Variants in WFIKKN2 observed in about 807,000 individuals in gnomAD.
WFIKKN2 encodes the protein WAP, follistatin/kazal, immunoglobulin, kunitz and netrin domain containing 2, also known as WAP, Kazal, immunoglobulin, Kunitz and NTR domain-containing protein 2.
A neutral mutation model predicts 39.2 loss-of-function variants in WFIKKN2; 25 were observed. The observed-to-expected ratio is 0.64, with a 90% confidence interval of 0.47 to 0.89. WFIKKN2 has a LOEUF of 0.89. WFIKKN2 is among the 40% of genes least tolerant of loss of function. The pLI, the probability that WFIKKN2 is intolerant of heterozygous loss-of-function variation, is 0.00. For missense variants in WFIKKN2, 770 were observed against 811.7 expected, an observed-to-expected ratio of 0.95 and a Z score of 0.62; for synonymous variants, 345 against 329.7, an observed-to-expected ratio of 1.05 and a Z score of -0.50.
At position 50,835,969 on chromosome 17, in the gene WFIKKN2, C is replaced by A; in HGVS notation, c.32C>A (p.Ser11Tyr). MWAPRCRRFW[S>Y]RWEQVAALLL... ...GCCCCAAGGTGTCGCCGGTTCTGGTCTCGCTGGGAGCAGGTGGCAGCGCTG... is the reference window on the plus strand; with the variant it reads ...GCCCCAAGGTGTCGCCGGTTCTGGTATCGCTGGGAGCAGGTGGCAGCGCTG... The change falls in exon 1 of 2, where the codon TCT (serine) becomes TAT (tyrosine). Residue 11 changes from serine to tyrosine, a missense_variant. Transcript: ENST00000311378. The A allele has an allele frequency of 6.2e-7, 1 of 1,610,290 alleles. No homozygotes were observed. The highest frequency in any genetic ancestry group is 1.1e-5 in the South Asian group (1 of 90,396).
rs1971944122 is a variant in WFIKKN2, at chr17:50,835,658, T to A, written c.-280T>A. 2 of 459,986 alleles carry A rather than the reference T, an allele frequency of 4.3e-6. No homozygotes were observed. The highest frequency in any genetic ancestry group is 7.7e-6 in the Non-Finnish European group (2 of 261,196). The allele number at this position is 459,986 out of a possible 1,614,324, so 28.5% of individuals were successfully genotyped here. Reference sequence around the variant, plus strand: ...CCACTCGGGTGGCGCGCCCAGGATATAAATCCGGGCGCGGGCCCCTGCTGT... The same window carrying A: ...CCACTCGGGTGGCGCGCCCAGGATAAAAATCCGGGCGCGGGCCCCTGCTGT... On this transcript the variant is annotated 5_prime_UTR_variant, in exon 1 of 2. Transcript: ENST00000311378.
rs140854705 is a variant in WFIKKN2, at chr17:50,840,713, G to A, written c.1425G>A (p.Glu475=). 1.7e-5 allele frequency: 28 copies of A among 1,613,960 alleles called. No individual in the cohort carries two copies. The African/African-American group carries it at 3.2e-4, about 18-fold the overall frequency. The stretch of plus-strand genomic sequence containing the variant: ...GCCGAGTCTCTGAGCTGACCGAGGA[G>A]CCTGACTCGGGCCGCGCCCTGGTGA... ...ILGRVSELTE[E]PDSGRALVTV... is the part of the protein sequence containing the mutation. Residue 475 remains glutamate (E), a synonymous_variant, in exon 2 of 2, where the codon GAG becomes GAA. Transcript: ENST00000311378.
chr17:50,839,571 G>T lies in WFIKKN2; in HGVS notation c.283G>T (p.Asp95Tyr). 2 of 1,614,112 alleles carry T rather than the reference G, an allele frequency of 1.2e-6. No homozygotes were observed. Among genetic ancestry groups the T allele is most frequent in the East Asian group, 2.2e-5 (1 of 44,860 alleles). ...GAGCTGCGTGGCGGCCCGCTACATG[G>T]ACGTGAAAGGGAAGAAGGGCCCAGT... Reference protein sequence around the residue: ...TKSCVAARYMDVKGKKGPVGM... With the variant: ...TKSCVAARYMYVKGKKGPVGM... The change falls in exon 2 of 2, where the codon GAC becomes TAC. Residue 95 changes from aspartate to tyrosine, a missense_variant. By Grantham distance (160) the Asp-to-Tyr change is radical (BLOSUM62 -3). Coordinates refer to ENST00000311378, the MANE Select transcript of WFIKKN2 (RefSeq NM_175575.6).
chr17:50,841,139 G>A lies in WFIKKN2; in HGVS notation c.*120G>A, dbSNP rs748193535. ...TTGGGACAGCAGGGAAACATCAACC[G>A]ACGTGTCACAGAAAAAGCCACAGAA... On this transcript the variant is annotated 3_prime_UTR_variant, in exon 2 of 2. Transcript: ENST00000311378. 3.3e-5 allele frequency: 35 copies of A among 1,045,382 alleles called. No individual in the cohort carries two copies. Among genetic ancestry groups the A allele is most frequent in the Non-Finnish European group, 4.1e-5 (31 of 751,316 alleles). 64.8% of individuals were successfully genotyped at this position (1,045,382 alleles called of 1,614,324 possible). A position where few individuals can be genotyped will look rare whatever the true frequency, so the allele number is the denominator to read the frequency against.
rs747030661 is a variant in WFIKKN2 at position 50,835,990 on chromosome 17, CGCTGCT to C, written c.66_71del (p.Leu25_Leu26del). ...TGGTCTCGCTGGGAGCAGGTGGCAG[CGCTGCT>C]GCTGCTGCTGCTACTGCTCGGGGTG... On this transcript the variant is annotated inframe_deletion, in exon 1 of 2. Transcript: ENST00000311378. The C allele has an allele frequency of 8.1e-6, 13 of 1,606,922 alleles. No homozygotes were observed. The highest frequency in any genetic ancestry group is 4.0e-5 in the African/African-American group (3 of 74,812).
At position 50,840,151 on chromosome 17, in the gene WFIKKN2, C is replaced by A. The variant is rs764230467; in HGVS notation, c.863C>A (p.Thr288Lys). 2 of 1,613,870 alleles carry A rather than the reference C, an allele frequency of 1.2e-6. No homozygotes were observed. The highest frequency in any genetic ancestry group is 2.7e-5 in the African/African-American group (2 of 74,912). ...CAGGATGCTGGGATCTACACCTGCA[C>A]GGCCCGGAACGTGGCTGGGGTCCTG... ...QLQDAGIYTC[T>K]ARNVAGVLRA... The change falls in exon 2 of 2, where the codon ACG (threonine) becomes AAG (lysine). Residue 288 changes from threonine (T) to lysine (K), a missense_variant. Physicochemically the swap from Thr to Lys is moderately conservative, Grantham distance 78. Coordinates refer to ENST00000311378, the MANE Select transcript of WFIKKN2 (RefSeq NM_175575.6).
Position 50,840,999 on chromosome 17 carries a change from G to A in WFIKKN2, c.1711G>A (p.Glu571Lys). The A allele has an allele frequency of 2.6e-6, 4 of 1,538,876 alleles. No homozygotes were observed. Among genetic ancestry groups the A allele is most frequent in the Non-Finnish European group, 3.5e-6 (4 of 1,140,928 alleles). Residue 571 changes from glutamate (E) to lysine (K), a missense_variant, in exon 2 of 2, where the codon GAG (glutamate) becomes AAG (lysine). Transcript: ENST00000311378. Reference sequence around the variant, plus strand: ...CAAGAAGACCTGTGACGTCCTCAAGGAGTTTCTTGGCTTGCACTGAAGCCC... The same window carrying A: ...CAAGAAGACCTGTGACGTCCTCAAGAAGTTTCTTGGCTTGCACTGAAGCCC... The part of the protein sequence containing the change: ...MHKKTCDVLK[E>K]FLGLH
Position 50,835,827 on chromosome 17 carries a change from C to T in WFIKKN2, c.-111C>T. 8.1e-7 allele frequency: 1 copy of T among 1,234,876 alleles called. No individual in the cohort carries two copies. The highest frequency in any genetic ancestry group is 2.7e-5 in the Admixed American group (1 of 37,020). 76.5% of individuals were successfully genotyped at this position (1,234,876 alleles called of 1,614,324 possible). A position where few individuals can be genotyped will look rare whatever the true frequency, so the allele number is the denominator to read the frequency against. ...CCTGAGCAGCAGCCTGAGCAGGAAA[C>T]CTGCTGGGGTGGGGAGGGCAGGTGT... On this transcript the variant is annotated 5_prime_UTR_variant, in exon 1 of 2. Coordinates refer to ENST00000311378, the MANE Select transcript of WFIKKN2 (RefSeq NM_175575.6).
At position 50,836,140 on chromosome 17, in the gene WFIKKN2, C is replaced by G. The variant is rs558234463; in HGVS notation, c.203C>G (p.Thr68Arg). 1.2e-6 allele frequency: 2 copies of G among 1,612,848 alleles called. No homozygotes were observed. Among genetic ancestry groups the G allele is most frequent in the Admixed American group, 1.7e-5 (1 of 59,914 alleles). ...AQSTCRRECE[T>R]DQECETYEKC... Reference sequence around the variant, plus strand: ...AGCACCTGCAGGCGGGAGTGTGAGACGGACCAGGTGAGTGGGGTCCAGAGA... The same window carrying G: ...AGCACCTGCAGGCGGGAGTGTGAGAGGGACCAGGTGAGTGGGGTCCAGAGA... The change falls in exon 1 of 2, where the codon ACG becomes AGG. Residue 68 changes from threonine to arginine, a missense_variant. Coordinates refer to ENST00000311378, the MANE Select transcript of WFIKKN2 (RefSeq NM_175575.6).
rs535856714 is a variant in WFIKKN2, at chr17:50,839,746, A to G, written c.458A>G (p.Tyr153Cys). 7.4e-5 allele frequency: 119 copies of G among 1,614,180 alleles called. No individual in the cohort carries two copies. Among genetic ancestry groups the G allele is most frequent in the Non-Finnish European group, 9.7e-5 (115 of 1,180,034 alleles). The change falls in exon 2 of 2, where the codon TAC becomes TGC. Residue 153 changes from tyrosine to cysteine, a missense_variant. Tyr to Cys is a radical substitution (Grantham distance 194, BLOSUM62 -2). Transcript: ENST00000311378. Reference protein sequence around the residue: ...SFTCASDGLTYYNRCYMDAEA... With the variant: ...SFTCASDGLTCYNRCYMDAEA... ...ACCTGCGCCTCGGACGGCCTCACCT[A>G]CTATAACCGCTGCTACATGGATGCC...
At chr17:50,837,659 G>C (rs1386661462) in intron 1 of WFIKKN2, among the ~76,000 whole-genome samples, 1 of 152,242 alleles carries the variant, frequency 6.6e-6, no homozygotes, top group Non-Finnish European at 1.5e-5. Context: ...ACCCACAGGA[G>C]AGCAGAGGGC....
chr17:50,836,265 A>G, intron 1 of WFIKKN2, 118 bp downstream of exon 1: 1 of 1,235,210 alleles, frequency 8.1e-7, no homozygotes, highest in Non-Finnish European at 1.1e-6. Context: ...GGGGTCCAGA[A>G]GCCACAGTGT....
chr17:50,836,216 G>A, intron 1 of WFIKKN2, 69 bp downstream of exon 1: 2 of 1,551,766 alleles, frequency 1.3e-6, no homozygotes, highest in East Asian at 2.3e-5. Context: ...GAGCCGTCGG[G>A]GAGGGACTGT....
chr17:50,840,045 G>A lies in WFIKKN2; in HGVS notation c.757G>A (p.Val253Met), dbSNP rs1477504958. 5.6e-6 allele frequency: 9 copies of A among 1,614,276 alleles called. No homozygotes were observed. The highest frequency in any genetic ancestry group is 1.7e-5 in the Admixed American group (1 of 60,036). ...WEKQLEDREN[V>M]VMRPNHVRGN... is the part of the protein sequence containing the mutation. ...GAAGCAGTTGGAGGATCGGGAGAATGTGGTCATGCGGCCCAACCATGTGCG... is the reference window on the plus strand; with the variant it reads ...GAAGCAGTTGGAGGATCGGGAGAATATGGTCATGCGGCCCAACCATGTGCG... The change falls in exon 2 of 2, where the codon GTG becomes ATG. Residue 253 changes from valine (V) to methionine (M), a missense_variant. Physicochemically the swap from Val to Met is conservative, Grantham distance 21. Transcript: ENST00000311378.
rs1305279152 is a variant in WFIKKN2 at position 50,836,155 on chromosome 17, G to A, written c.210+8G>A. On this transcript the variant is annotated splice_region_variant and intron_variant, in intron 1 of 1. Transcript: ENST00000311378. ...GAGTGTGAGACGGACCAGGTGAGTG[G>A]GGTCCAGAGACCAGAGATGGACCAC... The A allele has an allele frequency of 1.9e-6, 3 of 1,612,494 alleles. No individual in the cohort carries two copies. The highest frequency in any genetic ancestry group is 2.5e-6 in the Non-Finnish European group (3 of 1,179,346).
rs369928490 is a variant in WFIKKN2, at chr17:50,840,512, G to A, written c.1224G>A (p.Thr408=). 52 of 1,613,986 alleles carry A rather than the reference G, an allele frequency of 3.2e-5. No homozygotes were observed. Among genetic ancestry groups the A allele is most frequent in the South Asian group, 9.9e-5 (9 of 91,090 alleles). Residue 408 remains threonine, a synonymous_variant, in exon 2 of 2, where the codon ACG becomes ACA. Coordinates refer to ENST00000311378, the MANE Select transcript of WFIKKN2 (RefSeq NM_175575.6). The part of the protein sequence containing the change: ...YAPRWAYNSQ[T]GQCQSFVYGG... ...CTCGCTGGGCTTACAACAGCCAGAC[G>A]GGCCAGTGCCAGTCCTTTGTCTATG...
At position 50,835,782 on chromosome 17, in the gene WFIKKN2, A is replaced by T; in HGVS notation, c.-156A>T. 1 of 761,082 alleles carries T rather than the reference A, an allele frequency of 1.3e-6. No individual in the cohort carries two copies. Among genetic ancestry groups the T allele is most frequent in the South Asian group, 1.9e-5 (1 of 52,574 alleles). The allele number at this position is 761,082 out of a possible 1,614,324, so 47.1% of individuals were successfully genotyped here. ...CCGGCAGGCTGTGCTGACTTGGTGG[A>T]GGCAGCAGCGGCAGAGCAGCCTGAG... On this transcript the variant is annotated 5_prime_UTR_variant, in exon 1 of 2. Transcript: ENST00000311378.
intron 1 of WFIKKN2, among the ~76,000 whole-genome samples, chr17:50,836,888 C>G (rs984476348): frequency 6.6e-6 from 1 of 152,174 alleles, no homozygotes; most frequent in African/African-American, 2.4e-5. Context: ...GAGTGCCCTG[C>G]AGGTCCTAGG....
In WFIKKN2 at chr17:50,835,880, TG is replaced by T; in HGVS notation, c.-55del. On this transcript the variant is annotated 5_prime_UTR_variant, in exon 1 of 2. Coordinates refer to ENST00000311378, the MANE Select transcript of WFIKKN2 (RefSeq NM_175575.6). ...GCAGCCCCTGAGAAGAAGGCCCTGG[TG>T]GGCCCCAGACCCTGGCATCGTTTCA... The T allele has an allele frequency of 6.4e-7, 1 of 1,550,628 alleles. No individual in the cohort carries two copies. The highest frequency in any genetic ancestry group is 8.7e-7 in the Non-Finnish European group (1 of 1,144,948).
Sources: allele counts gnomAD v4.1 joint callset (sites outside exome capture counted in the v4.1 genomes callset), GRCh38; gene constraint gnomAD v4.1.1; transcripts MANE v1.5; gene names NCBI Gene and HGNC (gene_info 2026-07-23, HGNC 2026-07-21).